The following CHRM2 variants were observed in gnomAD, a reference collection of about 807,000 sequenced individuals.
The protein encoded by CHRM2 is muscarinic acetylcholine receptor M2.
In CHRM2, 8 loss-of-function variants were observed where a neutral mutation model predicts 25.0. The observed-to-expected ratio is 0.32, with a 90% CI of 0.19 to 0.58. The LOEUF is 0.58. Ranked by LOEUF, CHRM2 falls within the 20% of genes least tolerant of loss-of-function variation. The pLI is 0.88. For synonymous variants in CHRM2, 202 were observed against 205.7 expected (o/e 0.98, Z 0.15); for missense variants, 440 against 567.1 (o/e 0.78, Z 2.28).
chr7:136,987,040 A>G (rs1413462683), intron 2 of CHRM2, among the ~76,000 whole-genome samples: 2 of 152,118 alleles, frequency 1.3e-5, no homozygotes, highest in Admixed American at 6.5e-5. Flanking sequence ...ACAAAAACTG[A>G]TTTTCTCTTC....
At chr7:136,912,505 T>G (rs1007003580) in intron 2 of CHRM2, among the ~76,000 whole-genome samples, 3 of 151,782 alleles carry the variant, frequency 2.0e-5, no homozygotes, top group Non-Finnish European at 4.4e-5. Flanking sequence ...TTCACTGCAG[T>G]CTCTTCATCA....
chr7:137,019,795 TGTC>T lies in CHRM2; in HGVS notation c.*3530_*3532del, dbSNP rs1197199571. ...TCTGATTTGAAATGTACAAGCTGGA[TGTC>T]CAACATACTCCTGCTCTTTGTTCAT... On this transcript the variant is annotated 3_prime_UTR_variant, in exon 4 of 4. Coordinates refer to ENST00000680005, the MANE Select transcript of CHRM2 (RefSeq NM_001006630.2). The T allele has an allele frequency of 2.6e-5, 4 of 151,892 alleles. No individual in the cohort carries two copies. The highest frequency in any genetic ancestry group is 7.2e-5 in the African/African-American group (3 of 41,418). 9.4% of individuals were successfully genotyped at this position (151,892 alleles called of 1,614,324 possible). A position where few individuals can be genotyped will look rare whatever the true frequency, so the allele number is the denominator to read the frequency against.
At chr7:136,998,431 AAATGC>A (rs1467020010) in intron 3 of CHRM2, among the ~76,000 whole-genome samples, 1 of 152,156 alleles carries the variant, frequency 6.6e-6, no homozygotes, top group Non-Finnish European at 1.5e-5. Flanking sequence ...GTATTTAGGA[AAATGC>A]AGATCTAAGG....
At chr7:136,955,524 G>A (rs1232347831) in intron 2 of CHRM2, among the ~76,000 whole-genome samples, 1 of 152,170 alleles carries the variant, frequency 6.6e-6, no homozygotes, top group African/African-American at 2.4e-5. Context: ...CCAGCCATGA[G>A]TTGGATGAGC....
chr7:136,954,365 A>G (rs753748651), intron 2 of CHRM2, among the ~76,000 whole-genome samples: 2 of 152,156 alleles, frequency 1.3e-5, no homozygotes, highest in Non-Finnish European at 2.9e-5. Flanking sequence ...TTCTCTCCAC[A>G]TGTTATCCTC....
chr7:136,919,466 G>A (rs528022188), intron 2 of CHRM2, among the ~76,000 whole-genome samples: 11 of 152,138 alleles, frequency 7.2e-5, no homozygotes, highest in Admixed American at 3.3e-4. Flanking sequence ...ATAAGGAAGC[G>A]AATATGCTCT....
intron 2 of CHRM2, among the ~76,000 whole-genome samples, chr7:136,953,673 A>T (rs182670253): frequency 2.0e-5 from 3 of 152,230 alleles, no homozygotes; most frequent in Admixed American, 2.0e-4. Context: ...TGGCTGAAAC[A>T]GACATGCAAA....
intron 2 of CHRM2, among the ~76,000 whole-genome samples, chr7:136,921,450 T>C (rs1798425491): frequency 6.6e-6 from 1 of 152,164 alleles, no homozygotes; most frequent in African/African-American, 2.4e-5. Flanking sequence ...TCTCTGAAGT[T>C]CAAGTTGACA....
At chr7:136,957,251 G>GTA (rs1800779989) in intron 2 of CHRM2, among the ~76,000 whole-genome samples, 1 of 90,566 alleles carries the variant, frequency 1.1e-5, no homozygotes, top group Admixed American at 1.1e-4. Context: ...GTGTCATAGT[G>GTA]TATATGTGTG....
intron 3 of CHRM2, among the ~76,000 whole-genome samples, chr7:136,993,247 T>C (rs1364330831): frequency 6.6e-6 from 1 of 152,114 alleles, no homozygotes; most frequent in Non-Finnish European, 1.5e-5. Flanking sequence ...AGCACAGATA[T>C]AACATGCTCT....
In CHRM2 at chr7:137,019,694, T is replaced by C. The variant is rs1805339805; in HGVS notation, c.*3428T>C. The C allele has an allele frequency of 6.6e-6, 1 of 151,894 alleles. No homozygotes were observed. The highest frequency in any genetic ancestry group is 1.5e-5 in the Non-Finnish European group (1 of 67,894). 9.4% of individuals were successfully genotyped at this position (151,894 alleles called of 1,614,324 possible). On this transcript the variant is annotated 3_prime_UTR_variant, in exon 4 of 4. Transcript: ENST00000680005. ...CAAGAAATGATTTTCCTTTTACCAGTTCATCATTAATTTAACGCCAGCTCC... is the reference window on the plus strand; with the variant it reads ...CAAGAAATGATTTTCCTTTTACCAGCTCATCATTAATTTAACGCCAGCTCC...
intron 3 of CHRM2, among the ~76,000 whole-genome samples, chr7:137,011,602 C>CA (rs796797168): frequency 3.9e-5 from 6 of 152,082 alleles, no homozygotes; most frequent in African/African-American, 1.4e-4. Flanking sequence ...CATTCACACT[C>CA]AAACACGAAT....
At chr7:136,922,916 A>G (rs970998082) in intron 2 of CHRM2, among the ~76,000 whole-genome samples, 1 of 152,172 alleles carries the variant, frequency 6.6e-6, no homozygotes, top group Admixed American at 6.5e-5. Flanking sequence ...AAGGTGATTC[A>G]TATACTTGCT....
At chr7:136,894,607 G>A (rs1396833075) in intron 2 of CHRM2, among the ~76,000 whole-genome samples, 2 of 152,026 alleles carry the variant, frequency 1.3e-5, no homozygotes, top group African/African-American at 2.4e-5. Context: ...CCTGACCTCA[G>A]GTGATCCACC....
At chr7:136,881,431 A>G (rs1796262371) in intron 2 of CHRM2, among the ~76,000 whole-genome samples, 1 of 151,824 alleles carries the variant, frequency 6.6e-6, no homozygotes, top group South Asian at 2.1e-4. Context: ...TTGAAGATAA[A>G]TTTTAGCCAG....
At chr7:136,923,611 C>T (rs776050294) in intron 2 of CHRM2, among the ~76,000 whole-genome samples, 1 of 152,188 alleles carries the variant, frequency 6.6e-6, no homozygotes, top group Non-Finnish European at 1.5e-5. Context: ...GAATAGAATC[C>T]ACACACTAAA....
chr7:136,938,221 C>T, intron 2 of CHRM2: 1 of 770,364 alleles, frequency 1.3e-6, no homozygotes, highest in Non-Finnish European at 2.4e-6. Context: ...CTCAGGGTAC[C>T]TTTGTTACTG....
At chr7:136,996,114 A>G (rs1803584823) in intron 3 of CHRM2, among the ~76,000 whole-genome samples, 1 of 151,884 alleles carries the variant, frequency 6.6e-6, no homozygotes, top group African/African-American at 2.4e-5. Context: ...TGATTTTTAA[A>G]TTATTTTTTA....
intron 2 of CHRM2, among the ~76,000 whole-genome samples, chr7:136,948,074 A>T (rs1173712120): frequency 3.9e-5 from 6 of 152,154 alleles, no homozygotes; most frequent in Admixed American, 2.6e-4. Context: ...AGTAGGCAAC[A>T]GTTAACTGTG....
Sources: allele counts gnomAD v4.1 joint callset (sites outside exome capture counted in the v4.1 genomes callset), GRCh38; gene constraint gnomAD v4.1.1; transcripts MANE v1.5; gene names NCBI Gene and HGNC (gene_info 2026-07-23, HGNC 2026-07-21).